AMPD3: variants seen among roughly 807,000 people sequenced by gnomAD.
AMPD3 encodes AMP deaminase 3.
Under a neutral mutation model 82.3 loss-of-function variants are expected in AMPD3, and 57 were observed. The observed-to-expected ratio is 0.69, with a 90% confidence interval of 0.56 to 0.86. The LOEUF is 0.86. Among genes scored for constraint, AMPD3 ranks in the 40% least tolerant of loss-of-function variants. The pLI, the probability that AMPD3 is intolerant of heterozygous loss-of-function variation, is 0.00. For synonymous variants in AMPD3, 381 were observed against 394.7 expected (o/e 0.97, Z 0.41); for missense variants, 870 against 1,003.8 (o/e 0.87, Z 1.80).
intron 3 of AMPD3, chr11:10,479,971 C>T (rs915457135): frequency 1.0e-6 from 1 of 985,388 alleles, no homozygotes; most frequent in Non-Finnish European, 1.2e-6. Context: ...CAACCTGAGG[C>T]AGGTGGGCAG....
chr11:10,489,706 G>A (rs1336094895), intron 6 of AMPD3, among the ~76,000 whole-genome samples: 1 of 151,026 alleles, frequency 6.6e-6, no homozygotes, highest in Non-Finnish European at 1.5e-5. Flanking sequence ...TTGAGATGAA[G>A]TTTTGCTCTT....
At chr11:10,501,357 A>G in intron 11 of AMPD3, 113 bp from the exon 12 acceptor site, 1 of 1,522,188 alleles carries the variant, frequency 6.6e-7, no homozygotes, top group Non-Finnish European at 8.8e-7. Flanking sequence ...GGGTCAGCAC[A>G]GCTGACCATG....
intron 5 of AMPD3, 38 bp from the exon 6 acceptor site, chr11:10,487,197 C>A (rs765880553): frequency 2.5e-6 from 4 of 1,612,844 alleles, no homozygotes; most frequent in Non-Finnish European, 3.4e-6. Flanking sequence ...GAGCTCGATG[C>A]GACTCAACTA....
chr11:10,461,107 T>G, intron 1 of AMPD3: 1 of 1,179,064 alleles, frequency 8.5e-7, no homozygotes, highest in Non-Finnish European at 1.1e-6. Context: ...GGGAGTGAGG[T>G]TTGATTATTG....
At chr11:10,455,516 T>C (rs1353299046) in intron 1 of AMPD3, 68 bp downstream of exon 1, 5 of 825,838 alleles carry the variant, frequency 6.1e-6, no homozygotes, top group Non-Finnish European at 5.8e-6. Context: ...TCTGTGTGTG[T>C]GGATGGGGGT....
In AMPD3 at chr11:10,502,764, T is replaced by C. The variant is rs1197827986; in HGVS notation, c.1886T>C (p.Ile629Thr). The change falls in exon 13 of 15, where the codon ATT becomes ACT. Residue 629 changes from isoleucine (I) to threonine (T), a missense_variant. Ile to Thr is a moderately conservative substitution (Grantham distance 89). Coordinates refer to ENST00000396553, the MANE Select transcript of AMPD3 (RefSeq NM_001025389.2). ...QYLYYLAQIP[I>T]AMSPLSNNSL... ...CTCTACTACCTTGCTCAGATCCCCATTGCCATGTCTCCTCTTAGCAACAAC... is the reference window on the plus strand; with the variant it reads ...CTCTACTACCTTGCTCAGATCCCCACTGCCATGTCTCCTCTTAGCAACAAC... The C allele has an allele frequency of 1.2e-6, 2 of 1,614,200 alleles. No homozygotes were observed. Among genetic ancestry groups the C allele is most frequent in the Admixed American group, 3.3e-5 (2 of 60,034 alleles).
At position 10,506,776 on chromosome 11, in the gene AMPD3, C is replaced by A. The variant is rs971410640; in HGVS notation, c.*892C>A. On this transcript the variant is annotated 3_prime_UTR_variant, in exon 15 of 15. Transcript: ENST00000396553. This position sits in a 1 kb window ranked among gnomAD's most constrained non-coding sequence, Gnocchi z 4.1. ...ATCACTTTACCAATTAAGAGTTAGG[C>A]CAGATAAGTGAAATTTAACTTAAGG... The A allele has an allele frequency of 3.3e-5, 5 of 152,156 alleles. No individual in the cohort carries two copies. The highest frequency in any genetic ancestry group is 5.9e-5 in the Non-Finnish European group (4 of 68,040). 9.4% of individuals were successfully genotyped at this position (152,156 alleles called of 1,614,324 possible).
rs201115705 is a variant in AMPD3 at position 10,493,425 on chromosome 11, C to T, written c.1016C>T (p.Thr339Met). 3.4e-4 allele frequency: 554 copies of T among 1,614,196 alleles called. 1 individual carries two copies. Among genetic ancestry groups the T allele is most frequent in the Admixed American group, 8.8e-4 (53 of 60,030 alleles). The part of the protein sequence containing the change: ...LLRFIKHTYQ[T>M]EPDRTVAEKR... ...CGCTTCATCAAGCACACATACCAGA[C>T]GGAGCCTGACAGGACTGTGGCAGAG... Residue 339 changes from threonine (T) to methionine (M), a missense_variant, in exon 7 of 15, where the codon ACG becomes ATG. By Grantham distance (81) the Thr-to-Met change is moderately conservative (BLOSUM62 -1). Coordinates refer to ENST00000396553, the MANE Select transcript of AMPD3 (RefSeq NM_001025389.2).
At chr11:10,501,377 T>TC in intron 11 of AMPD3, 93 bp from the exon 12 acceptor site, 2 of 1,552,898 alleles carry the variant, frequency 1.3e-6, no homozygotes, top group Non-Finnish European at 1.7e-6. Flanking sequence ...GGGTGGTCAT[T>TC]CCCCCCGGAG....
chr11:10,502,185 C>T (rs1591487630), intron 12 of AMPD3: 1 of 985,430 alleles, frequency 1.0e-6, no homozygotes, highest in Non-Finnish European at 1.2e-6. Flanking sequence ...TTTCCCTGAT[C>T]CCGGTGAGGT....
chr11:10,456,264 C>A lies in AMPD3; in HGVS notation c.-6+816C>A. 6.4e-7 allele frequency: 1 copy of A among 1,561,346 alleles called. No homozygotes were observed. ...CACAGATATGCAAAACAGAGACCTC[C>A]TACTCCAGCCGGCAGACAGGACCCA... On this transcript the variant is annotated intron_variant, in intron 1 of 14. Transcript: ENST00000396553. This position sits in a 1 kb window ranked among gnomAD's most constrained non-coding sequence, Gnocchi z 4.3.
chr11:10,478,377 A>C (rs2133876673), intron 2 of AMPD3, 149 bp from the exon 3 acceptor site: 1 of 1,581,414 alleles, frequency 6.3e-7, no homozygotes, highest in Non-Finnish European at 8.6e-7. Context: ...AGAGGAAGGC[A>C]TGAATAATTA....
chr11:10,498,214 G>A (rs1430218069), intron 10 of AMPD3, among the ~76,000 whole-genome samples: 6 of 152,202 alleles, frequency 3.9e-5, no homozygotes, highest in Admixed American at 3.9e-4. Context: ...GGGGCTTGGT[G>A]AGAAGCGGTG....
intron 2 of AMPD3, among the ~76,000 whole-genome samples, chr11:10,475,842 C>G (rs999430273): frequency 6.6e-6 from 1 of 152,146 alleles, no homozygotes; most frequent in Admixed American, 6.5e-5. Flanking sequence ...TCAAAGCCAG[C>G]AAGCAGCCTG....
intron 3 of AMPD3, among the ~76,000 whole-genome samples, chr11:10,479,231 T>C (rs149502023): frequency 4.4e-4 from 67 of 152,342 alleles, no homozygotes; most frequent in African/African-American, 1.5e-3. Flanking sequence ...AGCAAATTGG[T>C]TTACACTAAG....
intron 11 of AMPD3, chr11:10,501,233 T>C (rs868334919): frequency 5.1e-6 from 5 of 984,572 alleles, no homozygotes; most frequent in African/African-American, 3.5e-5. Flanking sequence ...CACAGCAGGG[T>C]CTCTTTCTAC....
intron 2 of AMPD3, among the ~76,000 whole-genome samples, chr11:10,471,720 A>G (rs1355134968): frequency 6.6e-6 from 1 of 152,258 alleles, no homozygotes. Context: ...TGGTCATTAG[A>G]GAAATGCAAA....
chr11:10,452,770 C>G (rs935350258), upstream of AMPD3, among the ~76,000 whole-genome samples: 1 of 152,174 alleles, frequency 6.6e-6, no homozygotes, highest in African/African-American at 2.4e-5. Flanking sequence ...ATGCCAGGTA[C>G]CAGTCTAAAC....
intron 2 of AMPD3, chr11:10,478,270 A>G (rs1353914188): frequency 1.4e-5 from 14 of 985,384 alleles, no homozygotes; most frequent in Non-Finnish European, 1.7e-5. Context: ...GCCTGCTTTA[A>G]TCTTCTGTGG....
Sources: allele counts gnomAD v4.1 joint callset (sites outside exome capture counted in the v4.1 genomes callset), GRCh38; gene constraint gnomAD v4.1.1; non-coding constraint Gnocchi (gnomAD v3.1); transcripts MANE v1.5; gene names NCBI Gene and HGNC (gene_info 2026-07-23, HGNC 2026-07-21).